Variants in ZNF385D observed in about 807,000 individuals in gnomAD.
ZNF385D encodes zinc finger protein 659.
Under a neutral mutation model 35.8 loss-of-function variants are expected in ZNF385D, and 15 were observed. The ratio of observed to expected loss-of-function variants is 0.42; its 90% CI spans 0.28 to 0.64. ZNF385D has a LOEUF of 0.64. Among genes scored for constraint, ZNF385D ranks in the 30% least tolerant of loss-of-function variants. ZNF385D has a pLI of 0.23. For missense variants in ZNF385D, 474 were observed against 494.6 expected, an observed-to-expected ratio of 0.96 and a Z score of 0.39; for synonymous variants, 212 against 186.8, an observed-to-expected ratio of 1.13 and a Z score of -1.10.
chr3:21,506,781 A>G (rs560263380), intron 4 of ZNF385D, among the ~76,000 whole-genome samples: 27 of 152,184 alleles, frequency 1.8e-4, no homozygotes, highest in Admixed American at 3.3e-4. Flanking sequence ...GTAAACTTTT[A>G]TACAAGTAAA....
chr3:22,355,741 T>G (rs769313086), intron 2 of ZNF385D, among the ~76,000 whole-genome samples: 1 of 152,016 alleles, frequency 6.6e-6, no homozygotes, highest in Non-Finnish European at 1.5e-5. Flanking sequence ...AATTAAATCA[T>G]CTATAGAGTA....
chr3:22,361,833 G>C lies in ZNF385D; in HGVS notation c.106+10617C>G, dbSNP rs77736449. ...AGTTTTGCTTCCTTATCTAAAAAAA[G>C]AAAGTAAGGCCTACCCACCTAATTT... On this transcript the variant is annotated intron_variant, in intron 2 of 5. Transcript: ENST00000494108. Among the ~76,000 whole-genome samples the C allele has an allele frequency of 4.0e-3, 606 of 151,916 alleles. 10 individuals carry two copies. In the East Asian group the frequency reaches 0.051, roughly 13 times the overall value.
chr3:22,066,116 G>C (rs1463577), intron 3 of ZNF385D, among the ~76,000 whole-genome samples: 1 of 152,116 alleles, frequency 6.6e-6, no homozygotes, highest in Admixed American at 6.5e-5. Flanking sequence ...GAGAAGAGTT[G>C]AAAGATGTGA....
At chr3:22,353,540 T>C (rs146984751) in intron 2 of ZNF385D, among the ~76,000 whole-genome samples, 28 of 152,302 alleles carry the variant, frequency 1.8e-4, no homozygotes, top group East Asian at 1.2e-3. Flanking sequence ...ATCACAACAA[T>C]AGAATGTGGA....
chr3:22,101,474 T>C (rs372715108), intron 3 of ZNF385D, among the ~76,000 whole-genome samples: 21 of 152,204 alleles, frequency 1.4e-4, no homozygotes, highest in African/African-American at 4.1e-4. Flanking sequence ...ATTTGTCATA[T>C]TGCTAGTAAT....
At chr3:21,945,145 C>CGTATATGTAT (rs1491139694) in intron 3 of ZNF385D, among the ~76,000 whole-genome samples, 38,428 of 151,064 alleles carry the variant, frequency 0.25, 5,577 homozygotes, top group Admixed American at 0.4. Context: ...TATGTATATG[C>CGTATATGTAT]ATATATATAT....
chr3:21,475,700 C>A (rs940514720), intron 4 of ZNF385D, among the ~76,000 whole-genome samples: 23 of 152,068 alleles, frequency 1.5e-4, no homozygotes, highest in African/African-American at 4.6e-4. Flanking sequence ...AAATGTCAGG[C>A]CCATTAACTC....
At chr3:21,493,028 T>G (rs1575042200) in intron 4 of ZNF385D, among the ~76,000 whole-genome samples, 1 of 152,208 alleles carries the variant, frequency 6.6e-6, no homozygotes, top group Admixed American at 6.6e-5. Context: ...ATAATCTGGT[T>G]AGAATCTTGG....
intron 2 of ZNF385D, among the ~76,000 whole-genome samples, chr3:22,298,202 A>G (rs931091398): frequency 5.3e-5 from 8 of 151,910 alleles, no homozygotes; most frequent in African/African-American, 1.9e-4. Flanking sequence ...AGAATTTCAA[A>G]AGACACACAG....
chr3:21,458,385 G>T (rs1702956797), intron 4 of ZNF385D, among the ~76,000 whole-genome samples: 1 of 151,746 alleles, frequency 6.6e-6, no homozygotes, highest in South Asian at 2.1e-4. Context: ...GGGAGGCTGA[G>T]GTAGGAGGAT....
intron 2 of ZNF385D, among the ~76,000 whole-genome samples, chr3:21,580,502 T>TGAAA (rs2063623813): frequency 6.6e-6 from 1 of 152,212 alleles, no homozygotes; most frequent in African/African-American, 2.4e-5. Context: ...TGGTTGATTA[T>TGAAA]GAAAGACATA....
chr3:21,858,162 A>AC (rs1274608908), intron 3 of ZNF385D, among the ~76,000 whole-genome samples: 1 of 151,582 alleles, frequency 6.6e-6, no homozygotes, highest in Non-Finnish European at 1.5e-5. Flanking sequence ...TCTATCAAAA[A>AC]AAAAAAAAAA....
chr3:21,636,411 TATA>T (rs1190182072), intron 2 of ZNF385D, among the ~76,000 whole-genome samples: 2,773 of 49,102 alleles, frequency 0.056, 141 homozygotes, highest in African/African-American at 0.068. Flanking sequence ...TATATATATA[TATA>T]GAGTTTCTTA....
At chr3:22,233,568 T>G (rs1699015000) in intron 2 of ZNF385D, among the ~76,000 whole-genome samples, 2 of 152,172 alleles carry the variant, frequency 1.3e-5, no homozygotes, top group Admixed American at 1.3e-4. Context: ...GCATGCCATT[T>G]ATACCTCCAT....
chr3:21,785,155 C>G (rs188150172), intron 3 of ZNF385D, among the ~76,000 whole-genome samples: 1 of 152,184 alleles, frequency 6.6e-6, no homozygotes, highest in East Asian at 1.9e-4. Context: ...AATTTGCCCC[C>G]AAATCACGTA....
chr3:22,070,389 C>A (rs2125561222), intron 3 of ZNF385D, among the ~76,000 whole-genome samples: 1 of 152,146 alleles, frequency 6.6e-6, no homozygotes, highest in East Asian at 1.9e-4. Flanking sequence ...GAAAAACATT[C>A]CTAAGTTGTA....
At chr3:21,848,910 C>G (rs1438410293) in intron 3 of ZNF385D, among the ~76,000 whole-genome samples, 1 of 152,050 alleles carries the variant, frequency 6.6e-6, no homozygotes, top group East Asian at 1.9e-4. Context: ...AGATCATAGT[C>G]TTCTATCTTA....
At chr3:22,067,262 C>G (rs1700005208) in intron 3 of ZNF385D, among the ~76,000 whole-genome samples, 1 of 152,180 alleles carries the variant, frequency 6.6e-6, no homozygotes, top group South Asian at 2.1e-4. Flanking sequence ...TAAGGGCAAC[C>G]TGTCATCTCT....
chr3:21,944,633 T>C (rs1055374741), intron 3 of ZNF385D, among the ~76,000 whole-genome samples: 3 of 152,180 alleles, frequency 2.0e-5, no homozygotes, highest in Non-Finnish European at 4.4e-5. Flanking sequence ...GCAGTTCAGC[T>C]GAAGGGTGGG....
Sources: gnomAD v4.1 joint callset for allele counts (sites outside exome capture counted in the v4.1 genomes callset) on GRCh38, gnomAD v4.1.1 for gene constraint, MANE v1.5 for transcripts, NCBI Gene and HGNC (gene_info 2026-07-23, HGNC 2026-07-21) for gene names.